Variants in ROBO1 observed in about 807,000 individuals in gnomAD.
The protein encoded by ROBO1 is roundabout guidance receptor 1, also known as roundabout homolog 1.
A neutral mutation model predicts 195.9 loss-of-function variants in ROBO1; 149 were observed. That is an observed-to-expected ratio of 0.76 (90% CI 0.67 to 0.87). The LOEUF (loss-of-function observed/expected upper bound fraction) is 0.87. Ranked by LOEUF, ROBO1 falls within the 40% of genes least tolerant of loss-of-function variation. ROBO1 has a pLI of 0.00. For missense variants in ROBO1, 1,933 were observed against 2,068.3 expected, an observed-to-expected ratio of 0.93 and a Z score of 1.27; for synonymous variants, 816 against 733.2, an observed-to-expected ratio of 1.11 and a Z score of -1.82.
At chr3:79,113,877 T>C (rs772096702) in intron 3 of ROBO1, among the ~76,000 whole-genome samples, 1 of 152,188 alleles carries the variant, frequency 6.6e-6, no homozygotes, top group Non-Finnish European at 1.5e-5. Flanking sequence ...ATGATGATTA[T>C]TGCACACATA....
intron 1 of ROBO1, among the ~76,000 whole-genome samples, chr3:79,660,143 G>C (rs1306253582): frequency 2.0e-5 from 3 of 151,950 alleles, no homozygotes; most frequent in African/African-American, 7.2e-5. Flanking sequence ...GATCCCGCAT[G>C]ATATTGCATC....
intron 3 of ROBO1, chr3:79,018,364 G>A (rs377495508): frequency 6.2e-7 from 1 of 1,611,352 alleles, no homozygotes; most frequent in African/African-American, 1.3e-5. Context: ...GAGAGGGGGC[G>A]AACAGGGAGG....
At chr3:79,509,905 A>G (rs190754995) in intron 2 of ROBO1, among the ~76,000 whole-genome samples, 1 of 152,258 alleles carries the variant, frequency 6.6e-6, no homozygotes, top group African/African-American at 2.4e-5. Context: ...CCAGTGTAAT[A>G]TTACTCTTCC....
Position 78,685,821 on chromosome 3 carries a change from C to T in ROBO1, c.1267G>A (p.Val423Ile). 6.2e-7 allele frequency: 1 copy of T among 1,612,178 alleles called. No individual in the cohort carries two copies. The highest frequency in any genetic ancestry group is 8.5e-7 in the Non-Finnish European group (1 of 1,178,790). Reference sequence around the variant, plus strand: ...AAAGTCTGGCAGATGTAATAACCAACATCAGATCGCTGGACATTAGTAATT... The same window carrying T: ...AAAGTCTGGCAGATGTAATAACCAATATCAGATCGCTGGACATTAGTAATT... ...LTITNVQRSD[V>I]GYYICQTLNV... Residue 423 changes from valine to isoleucine, a missense_variant, in exon 10 of 31, where the codon GTT (valine) becomes ATT (isoleucine). Around this residue, in one of 3 missense-constraint regions of ROBO1, gnomAD observed 1,737 missense variants for 1,882.5 expected, o/e 0.92. Transcript: ENST00000464233.
rs1380172851 is a variant in ROBO1, at chr3:79,015,021, T to C, written c.173-76094A>G. Among the ~76,000 whole-genome samples the C allele has an allele frequency of 2.6e-5, 4 of 152,310 alleles. No homozygotes were observed. In the East Asian group the frequency reaches 7.7e-4, roughly 29 times the overall value. ...GTCATTGTTAGTCTGAAATTTAGCA[T>C]TCTGTACCACTTTAAATTACATAAG... is the stretch of plus-strand genomic sequence containing the variant. On this transcript the variant is annotated intron_variant, in intron 3 of 30. Coordinates refer to ENST00000464233, the MANE Select transcript of ROBO1 (RefSeq NM_002941.4).
intron 2 of ROBO1, among the ~76,000 whole-genome samples, chr3:79,559,236 T>G (rs943974539): frequency 3.3e-5 from 5 of 152,202 alleles, no homozygotes; most frequent in Admixed American, 3.3e-4. Flanking sequence ...TGCTGCACAG[T>G]AGAGCTCTCT....
intron 4 of ROBO1, among the ~76,000 whole-genome samples, chr3:78,843,868 C>A (rs949824828): frequency 2.6e-5 from 4 of 151,950 alleles, no homozygotes; most frequent in Non-Finnish European, 4.4e-5. Flanking sequence ...ATGAAATAAG[C>A]TGAACAAAAG....
At chr3:79,727,510 T>C (rs1702973401) in intron 1 of ROBO1, among the ~76,000 whole-genome samples, 2 of 152,252 alleles carry the variant, frequency 1.3e-5, no homozygotes, top group East Asian at 1.9e-4. Context: ...AAGGGAGATA[T>C]AAATATTTTT....
In ROBO1 at chr3:78,668,136, G is replaced by A. The variant is rs760046586; in HGVS notation, c.1797C>T (p.Phe599=). 1 of 1,613,370 alleles carries A rather than the reference G, an allele frequency of 6.2e-7. No homozygotes were observed. The highest frequency in any genetic ancestry group is 8.5e-7 in the Non-Finnish European group (1 of 1,179,614). The change falls in exon 13 of 31, where the codon TTC becomes TTT. Residue 599 remains phenylalanine, a splice_region_variant and synonymous_variant. Coordinates refer to ENST00000464233, the MANE Select transcript of ROBO1 (RefSeq NM_002941.4). ...AGGAAGCATCTCCTTCACTCTACCT[G>A]AAGGCTTCTATAATATAAGATGTTG... ...ATPTSYIIEA[F]SHASGSSWQT...
At chr3:79,351,837 G>A (rs537082802) in intron 2 of ROBO1, among the ~76,000 whole-genome samples, 40 of 152,002 alleles carry the variant, frequency 2.6e-4, no homozygotes, top group Admixed American at 7.2e-4. Flanking sequence ...GAAATTAAAA[G>A]GAGGGCACAG....
intron 2 of ROBO1, among the ~76,000 whole-genome samples, chr3:79,452,038 A>G (rs1275504718): frequency 6.6e-6 from 1 of 151,906 alleles, no homozygotes; most frequent in Admixed American, 6.6e-5. Context: ...AAGACTCTTA[A>G]ACTTCTTTAC....
At chr3:79,623,106 C>T (rs1246058715) in intron 1 of ROBO1, among the ~76,000 whole-genome samples, 3 of 151,748 alleles carry the variant, frequency 2.0e-5, no homozygotes, top group African/African-American at 2.4e-5. Context: ...GAAAGAAAAA[C>T]GAACCTACAG....
intron 1 of ROBO1, among the ~76,000 whole-genome samples, chr3:79,600,208 T>C (rs2107862002): frequency 6.6e-6 from 1 of 152,166 alleles, no homozygotes; most frequent in South Asian, 2.1e-4. Flanking sequence ...GACGTATTTT[T>C]CTGAACAATA....
rs1289649572 is a variant in ROBO1, at chr3:78,717,729, T to C, written c.778+34A>G. The C allele has an allele frequency of 3.7e-6, 6 of 1,603,868 alleles. No homozygotes were observed. The South Asian group carries it at 5.6e-5, about 15-fold the overall frequency. ...GACACAAAATGATAAGAGATCTATT[T>C]TTCAATGAGAAGATTAAATAAAATT... On this transcript the variant is annotated intron_variant, in intron 6 of 30. Coordinates refer to ENST00000464233, the MANE Select transcript of ROBO1 (RefSeq NM_002941.4).
chr3:79,375,076 A>T (rs2036335310), intron 2 of ROBO1, among the ~76,000 whole-genome samples: 1 of 152,218 alleles, frequency 6.6e-6, no homozygotes, highest in African/African-American at 2.4e-5. Flanking sequence ...CAAATCTACT[A>T]TGGAAAATCA....
At position 79,725,530 on chromosome 3, in the gene ROBO1, C is replaced by T. The variant is rs561896833; in HGVS notation, c.-51+42222G>A. Among the ~76,000 whole-genome samples the T allele has an allele frequency of 1.6e-4, 25 of 152,114 alleles. No homozygotes were observed. In the East Asian group the frequency reaches 3.3e-3, roughly 20 times the overall value. On this transcript the variant is annotated intron_variant, in intron 1 of 30. Coordinates refer to ENST00000464233, the MANE Select transcript of ROBO1 (RefSeq NM_002941.4). ...CGTGAGCCACCGCGCCCGGCCCTCTCTTCTTACTTATATCTGCAGGAGATG... is the reference window on the plus strand; with the variant it reads ...CGTGAGCCACCGCGCCCGGCCCTCTTTTCTTACTTATATCTGCAGGAGATG...
At chr3:79,008,395 C>T (rs1049848260) in intron 3 of ROBO1, among the ~76,000 whole-genome samples, 1 of 151,868 alleles carries the variant, frequency 6.6e-6, no homozygotes, top group Non-Finnish European at 1.5e-5. Context: ...TAGTAGTTTA[C>T]TGGGGAATAA....
chr3:78,872,942 T>C (rs1464053158), intron 4 of ROBO1, among the ~76,000 whole-genome samples: 1 of 152,160 alleles, frequency 6.6e-6, no homozygotes, highest in African/African-American at 2.4e-5. Context: ...GATTTACAAA[T>C]TGTAATCTGT....
In ROBO1 at chr3:78,834,864, TACAGAA is replaced by T. The variant is rs2032562626; in HGVS notation, c.500-87970_500-87965del. ...CAATCGTGTTGCACTAAACAGTTGGTACAGAAATTTCTTTCTTCCATACTGATTATA... is the reference window on the plus strand; with the variant it reads ...CAATCGTGTTGCACTAAACAGTTGGTATTTCTTTCTTCCATACTGATTATA... On this transcript the variant is annotated intron_variant, in intron 4 of 30. Transcript: ENST00000464233. Among the ~76,000 whole-genome samples, 20 of 152,268 alleles carry T rather than the reference TACAGAA, an allele frequency of 1.3e-4. No homozygotes were observed. In the South Asian group the frequency reaches 3.9e-3, roughly 30 times the overall value.
Sources: allele counts gnomAD v4.1 joint callset (sites outside exome capture counted in the v4.1 genomes callset), GRCh38; gene constraint gnomAD v4.1.1; regional missense constraint gnomAD v4.1.1; transcripts MANE v1.5; gene names NCBI Gene and HGNC (gene_info 2026-07-23, HGNC 2026-07-21).